DCAF8: variants seen among roughly 807,000 people sequenced by gnomAD.
DCAF8 encodes DDB1- and CUL4-associated factor 8.
In DCAF8, 20 loss-of-function variants were observed where a neutral mutation model predicts 68.0. The observed-to-expected ratio is 0.29, with a 90% CI of 0.21 to 0.43. The LOEUF is 0.43. Among genes scored for constraint, DCAF8 ranks in the 20% least tolerant of loss-of-function variants. DCAF8 has a pLI of 1.00. For missense variants in DCAF8, 460 were observed against 771.0 expected (o/e 0.60, Z 4.78); for synonymous variants, 230 against 276.9 (o/e 0.83, Z 1.68).
At position 160,217,648 on chromosome 1, in the gene DCAF8, A is replaced by C; in HGVS notation, c.1738T>G (p.Ser580Ala). ...DADSDESPSS[S>A]DTSDEEEGPD... ...CCCTCCTCCTCGTCCGATGTGTCTGAGGAGCTGGGAGACTCATCAGAGTCC... is the reference window on the plus strand; with the variant it reads ...CCCTCCTCCTCGTCCGATGTGTCTGCGGAGCTGGGAGACTCATCAGAGTCC... Residue 580 changes from serine to alanine, a missense_variant, in exon 14 of 14, where the codon TCA becomes GCA. Transcript: ENST00000368074. 1 of 1,614,142 alleles carries C rather than the reference A, an allele frequency of 6.2e-7. No individual in the cohort carries two copies. The highest frequency in any genetic ancestry group is 2.2e-5 in the East Asian group (1 of 44,880).
Position 160,245,525 on chromosome 1 carries a change from C to T in DCAF8, c.-26-1491G>A, listed in dbSNP as rs115358206. ...AGTATCCTCTGTCAAAAGACAGTAG[C>T]CCAAAGATTGTTCATAATAGGCCAA... On this transcript the variant is annotated intron_variant, in intron 2 of 13. Transcript: ENST00000368074. Among the ~76,000 whole-genome samples, 616 of 152,268 alleles carry T rather than the reference C, an allele frequency of 4.0e-3. 6 individuals are homozygous for T. Among genetic ancestry groups the T allele is most frequent in the African/African-American group, 0.014 (588 of 41,548 alleles).
chr1:160,225,148 GC>G (rs771850478), intron 8 of DCAF8, 29 bp from the exon 9 acceptor site: 3 of 1,607,094 alleles, frequency 1.9e-6, no homozygotes, highest in South Asian at 1.1e-5. Flanking sequence ...ACTGACTGAT[GC>G]CCCACCCCCC....
intron 4 of DCAF8, chr1:160,239,481 T>C: frequency 2.7e-6 from 4 of 1,457,628 alleles, no homozygotes; most frequent in East Asian, 2.5e-5. Flanking sequence ...GCATGCACCC[T>C]ACCTATGAGG....
Position 160,217,478 on chromosome 1 carries a change from TAAAGC to T in DCAF8, c.*109_*113del. The T allele has an allele frequency of 2.8e-6, 2 of 718,962 alleles. No homozygotes were observed. The highest frequency in any genetic ancestry group is 3.9e-5 in the South Asian group (2 of 51,820). The allele number at this position is 718,962 out of a possible 1,614,324, so 44.5% of individuals were successfully genotyped here. A position where few individuals can be genotyped will look rare whatever the true frequency, so the allele number is the denominator to read the frequency against. On this transcript the variant is annotated 3_prime_UTR_variant, in exon 14 of 14. Coordinates refer to ENST00000368074, the MANE Select transcript of DCAF8 (RefSeq NM_015726.4). ...TCTCCTGGGATGTCTTTCTTTTATC[TAAAGC>T]AAAAAGTCCAAAGTGCGTTTCTGCT...
At chr1:160,260,901 A>G (rs1557845693) in intron 2 of DCAF8, among the ~76,000 whole-genome samples, 1 of 152,216 alleles carries the variant, frequency 6.6e-6, no homozygotes, top group Non-Finnish European at 1.5e-5. Flanking sequence ...AGAGGGGAAG[A>G]GACCTGATTT....
intron 2 of DCAF8, among the ~76,000 whole-genome samples, chr1:160,248,288 CAAAG>C (rs1029500041): frequency 2.1e-5 from 3 of 145,982 alleles, no homozygotes; most frequent in Non-Finnish European, 3.0e-5. Flanking sequence ...GCCTGAGTGA[CAAAG>C]AGAGACTCCA....
At chr1:160,242,954 C>T (rs1656177836) in intron 3 of DCAF8, among the ~76,000 whole-genome samples, 1 of 152,160 alleles carries the variant, frequency 6.6e-6, no homozygotes, top group Non-Finnish European at 1.5e-5. Context: ...CTTTCCTTTA[C>T]AAAAGATGAA....
At chr1:160,222,519 G>A in intron 11 of DCAF8, 132 bp downstream of exon 11, 1 of 1,272,460 alleles carries the variant, frequency 7.9e-7, no homozygotes, top group Non-Finnish European at 1.1e-6. Flanking sequence ...AGGCTAACTA[G>A]TCTTTTATGG....
chr1:160,221,478 T>C (rs1266164268), intron 11 of DCAF8, among the ~76,000 whole-genome samples: 1 of 152,090 alleles, frequency 6.6e-6, no homozygotes, highest in East Asian at 1.9e-4. Context: ...CCCTGAAATT[T>C]AGAGGAAACC....
In DCAF8 at chr1:160,216,335, T is replaced by G. The variant is rs1476298935; in HGVS notation, c.*1257A>C. The G allele has an allele frequency of 2.0e-5, 3 of 152,154 alleles. No individual in the cohort carries two copies. The highest frequency in any genetic ancestry group is 4.4e-5 in the Non-Finnish European group (3 of 68,048). 9.4% of individuals were successfully genotyped at this position (152,154 alleles called of 1,614,324 possible). A position where few individuals can be genotyped will look rare whatever the true frequency, so the allele number is the denominator to read the frequency against. ...TGTGTGTGGTGTGTGTGTACATGTC[T>G]TCTGTCACAAAGTACCACAATAGTC... is the stretch of plus-strand genomic sequence containing the variant. On this transcript the variant is annotated 3_prime_UTR_variant, in exon 14 of 14. Coordinates refer to ENST00000368074, the MANE Select transcript of DCAF8 (RefSeq NM_015726.4).
intron 6 of DCAF8, among the ~76,000 whole-genome samples, chr1:160,231,998 C>CT (rs1408321796): frequency 5.3e-5 from 8 of 152,052 alleles, no homozygotes; most frequent in Admixed American, 5.2e-4. Flanking sequence ...TGAGACCAGC[C>CT]TGGCCAACAT....
chr1:160,222,510 G>T, intron 11 of DCAF8, 141 bp downstream of exon 11: 1 of 1,168,746 alleles, frequency 8.6e-7, no homozygotes, highest in Non-Finnish European at 1.2e-6. Context: ...AGCACCTCCA[G>T]GCTAACTAGT....
intron 2 of DCAF8, among the ~76,000 whole-genome samples, chr1:160,250,459 T>C (rs1361267660): frequency 2.0e-5 from 2 of 102,158 alleles, no homozygotes; most frequent in Non-Finnish European, 3.8e-5. Context: ...AGAGCGAAAC[T>C]GTCTCAAAAA....
At chr1:160,232,187 G>A (rs564323518) in intron 6 of DCAF8, among the ~76,000 whole-genome samples, 68 of 151,494 alleles carry the variant, frequency 4.5e-4, no homozygotes, top group Non-Finnish European at 6.5e-4. Flanking sequence ...TCCAGCCTGC[G>A]CAACAGAGCA....
At position 160,243,984 on chromosome 1, in the gene DCAF8, C is replaced by G; in HGVS notation, c.25G>C (p.Asp9His). Residue 9 changes from aspartate to histidine, a missense_variant, in exon 3 of 14, where the codon GAT (aspartate) becomes CAT (histidine). By Grantham distance (81) the Asp-to-His change is moderately conservative. Coordinates refer to ENST00000368074, the MANE Select transcript of DCAF8 (RefSeq NM_015726.4). ...CCATTAGCTAAGTCTGTTCTGCCAT[C>G]TGTGCTGCTCCCTTTGCTGGACATC... MSSKGSST[D>H]GRTDLANGSL... The G allele has an allele frequency of 6.2e-7, 1 of 1,614,156 alleles. No individual in the cohort carries two copies. Among genetic ancestry groups the G allele is most frequent in the Non-Finnish European group, 8.5e-7 (1 of 1,180,028 alleles).
In DCAF8 at chr1:160,239,054, A is replaced by G. The variant is rs758008424; in HGVS notation, c.724-307T>C. ...CAGAGGAGAAAAGGAATAGAGGAGGAAAAATCTACTTTGATTAAGAAAGTA... is the reference window on the plus strand; with the variant it reads ...CAGAGGAGAAAAGGAATAGAGGAGGGAAAATCTACTTTGATTAAGAAAGTA... On this transcript the variant is annotated intron_variant, in intron 4 of 13. Coordinates refer to ENST00000368074, the MANE Select transcript of DCAF8 (RefSeq NM_015726.4). 495 of 649,164 alleles carry G rather than the reference A, an allele frequency of 7.6e-4. 1 individual carries two copies. The highest frequency in any genetic ancestry group is 3.2e-3 in the Middle Eastern group (5 of 1,544). The allele number at this position is 649,164 out of a possible 1,614,324, so 40.2% of individuals were successfully genotyped here.
chr1:160,225,870 G>T (rs1008188417), intron 7 of DCAF8, among the ~76,000 whole-genome samples: 3 of 152,032 alleles, frequency 2.0e-5, no homozygotes, highest in Admixed American at 1.3e-4. Flanking sequence ...TTGAGATGGG[G>T]TCCTGCTCTG....
intron 4 of DCAF8, chr1:160,239,013 C>T: frequency 2.0e-6 from 1 of 496,860 alleles, no homozygotes; most frequent in South Asian, 3.7e-5. Context: ...CTCAGATGAA[C>T]TAGGACTGTA....
rs1557829267 is a variant in DCAF8, at chr1:160,222,716, T to C, written c.1375A>G (p.Ile459Val). 2 of 1,614,188 alleles carry C rather than the reference T, an allele frequency of 1.2e-6. No individual in the cohort carries two copies. Among genetic ancestry groups the C allele is most frequent in the Admixed American group, 1.7e-5 (1 of 60,016 alleles). ...FVVSGSDCGHIFLWEKSSCQI... is the reference protein window; with the variant it reads ...FVVSGSDCGHVFLWEKSSCQI... ...CAGGATGATTTCTCCCAGAGGAAGATGTGCCCACAGTCACTACCGCTCACC... is the reference window on the plus strand; with the variant it reads ...CAGGATGATTTCTCCCAGAGGAAGACGTGCCCACAGTCACTACCGCTCACC... The change falls in exon 11 of 14, where the codon ATC (isoleucine) becomes GTC (valine). Residue 459 changes from isoleucine (I) to valine (V), a missense_variant. By Grantham distance (29) the Ile-to-Val change is conservative. Around this residue, in one of 8 missense-constraint regions of DCAF8, gnomAD observed 30 missense variants for 69.6 expected, o/e 0.43. Coordinates refer to ENST00000368074, the MANE Select transcript of DCAF8 (RefSeq NM_015726.4).
Sources: allele counts gnomAD v4.1 joint callset (sites outside exome capture counted in the v4.1 genomes callset), GRCh38; gene constraint gnomAD v4.1.1; regional missense constraint gnomAD v4.1.1; transcripts MANE v1.5; gene names NCBI Gene and HGNC (gene_info 2026-07-23, HGNC 2026-07-21).